Variants in C10orf90 observed in about 807,000 individuals in gnomAD.
The protein encoded by C10orf90 is (E2-independent) E3 ubiquitin-conjugating enzyme FATS.
Under a neutral mutation model 62.5 loss-of-function variants are expected in C10orf90, and 56 were observed. That is an observed-to-expected ratio of 0.90 (90% confidence interval 0.72 to 1.12). C10orf90 has a LOEUF of 1.12. Ranked by LOEUF, C10orf90 falls within the 50% of genes most tolerant of loss-of-function variation. C10orf90 has a pLI of 0.00. For synonymous variants in C10orf90, 386 were observed against 340.4 expected (o/e 1.13, Z -1.47); for missense variants, 970 against 880.4 (o/e 1.10, Z -1.29).
At chr10:126,431,172 G>GGGTGTGAAGTAC (rs1224908218) in intron 7 of C10orf90, among the ~76,000 whole-genome samples, 1 of 152,204 alleles carries the variant, frequency 6.6e-6, no homozygotes, top group Non-Finnish European at 1.5e-5. Flanking sequence ...AATTAAATAA[G>GGGTGTGAAGTAC]GGTGTGAAGT....
intron 4 of C10orf90, among the ~76,000 whole-genome samples, chr10:126,503,357 C>A (rs573272757): frequency 6.6e-6 from 1 of 152,172 alleles, no homozygotes; most frequent in Non-Finnish European, 1.5e-5. Context: ...CAGAAAATTG[C>A]TGCTGCTGCT....
chr10:126,484,881 G>A (rs906050824), intron 4 of C10orf90, among the ~76,000 whole-genome samples: 8 of 152,092 alleles, frequency 5.3e-5, no homozygotes, highest in African/African-American at 7.2e-5. Flanking sequence ...TAGTTATTTC[G>A]TATGTTTGAA....
intron 8 of C10orf90, 133 bp downstream of exon 8, chr10:126,429,650 TCAGA>T: frequency 3.0e-6 from 2 of 667,758 alleles, no homozygotes; most frequent in South Asian, 2.0e-5. Context: ...AGCCGTTTTT[TCAGA>T]TTTGCAGCCA....
Position 126,474,187 on chromosome 10 carries a change from C to A in C10orf90, c.1535-9201G>T, listed in dbSNP as rs571330280. Among the ~76,000 whole-genome samples the A allele has an allele frequency of 2.0e-5, 3 of 152,280 alleles. No individual in the cohort carries two copies. In the South Asian group the frequency reaches 6.2e-4, roughly 32 times the overall value. On this transcript the variant is annotated intron_variant, in intron 4 of 9. Transcript: ENST00000488181. ...AGCAGGACCTGTTACATGGCCTGTG[C>A]AAGCCCGGGGGTCTCTGCCCATCAT...
At chr10:126,508,943 ACT>A (rs1248527289) in intron 3 of C10orf90, among the ~76,000 whole-genome samples, 1 of 152,006 alleles carries the variant, frequency 6.6e-6, no homozygotes, top group East Asian at 1.9e-4. Context: ...GAAATACCTG[ACT>A]CTGACTACAC....
intron 4 of C10orf90, chr10:126,496,666 G>A (rs796776213): frequency 1.4e-5 from 14 of 985,384 alleles, no homozygotes; most frequent in Middle Eastern, 5.2e-4. Context: ...ACCTCTTGGC[G>A]GTGAGTCTTT....
chr10:126,557,121 C>A (rs1287402685), intron 2 of C10orf90, among the ~76,000 whole-genome samples: 1 of 151,296 alleles, frequency 6.6e-6, no homozygotes, highest in Non-Finnish European at 1.5e-5. Context: ...TTTTTAAAGT[C>A]ATGGAATAGT....
rs1857236691 is a variant in C10orf90, at chr10:126,425,977, G to A, written c.2352+14C>T. ...CACCACACACATCACACCTGCTGGT[G>A]ACGAGGCCATTACCTTTTTGAAGAC... On this transcript the variant is annotated intron_variant, in intron 9 of 9. Coordinates refer to ENST00000488181, the MANE Select transcript of C10orf90 (RefSeq NM_001350921.2). The A allele has an allele frequency of 6.2e-7, 1 of 1,613,870 alleles. No homozygotes were observed. Among genetic ancestry groups the A allele is most frequent in the Non-Finnish European group, 8.5e-7 (1 of 1,179,726 alleles).
chr10:126,619,141 T>C (rs73370808), intron 2 of C10orf90, among the ~76,000 whole-genome samples: 7,388 of 152,318 alleles, frequency 0.049, 526 homozygotes, highest in African/African-American at 0.16. Flanking sequence ...ACTATCTTGC[T>C]GTGTGTGGCA....
intron 4 of C10orf90, among the ~76,000 whole-genome samples, chr10:126,484,485 T>C (rs1861326859): frequency 1.3e-5 from 2 of 152,320 alleles, no homozygotes; most frequent in Non-Finnish European, 2.9e-5. Context: ...GAAAAAGTCC[T>C]GCTTTATTTG....
At chr10:126,654,682 A>C (rs1423825904) in intron 1 of C10orf90, among the ~76,000 whole-genome samples, 1 of 152,234 alleles carries the variant, frequency 6.6e-6, no homozygotes, top group Non-Finnish European at 1.5e-5. Flanking sequence ...TCTTTGGTAC[A>C]ACAGGCGCAG....
At chr10:126,521,303 T>C (rs949630786) in intron 2 of C10orf90, 11 of 1,613,978 alleles carry the variant, frequency 6.8e-6, no homozygotes, top group Non-Finnish European at 9.3e-6. Context: ...ACATACCTTC[T>C]CCAGACAGTT....
intron 2 of C10orf90, among the ~76,000 whole-genome samples, chr10:126,578,977 A>G (rs1315750565): frequency 6.6e-6 from 1 of 152,176 alleles, no homozygotes; most frequent in African/African-American, 2.4e-5. Flanking sequence ...CCAATTACAT[A>G]GGTGAAGTCA....
At chr10:126,502,115 ACACC>A (rs1862439494) in intron 4 of C10orf90, among the ~76,000 whole-genome samples, 1 of 147,932 alleles carries the variant, frequency 6.8e-6, no homozygotes, top group Non-Finnish European at 1.5e-5. Context: ...ACACACACAC[ACACC>A]ACACACACAC....
At chr10:126,516,377 G>C (rs969341662) in intron 2 of C10orf90, among the ~76,000 whole-genome samples, 1 of 152,166 alleles carries the variant, frequency 6.6e-6, no homozygotes, top group African/African-American at 2.4e-5. Context: ...TATCACTGTG[G>C]CATCAGTGGT....
intron 2 of C10orf90, among the ~76,000 whole-genome samples, chr10:126,593,836 C>G (rs1190670668): frequency 6.6e-6 from 1 of 152,040 alleles, no homozygotes; most frequent in African/African-American, 2.4e-5. Context: ...GAGTCAGGGG[C>G]TGAGGGTGTA....
At chr10:126,668,610 G>A (rs905091560) in intron 1 of C10orf90, among the ~76,000 whole-genome samples, 1 of 152,202 alleles carries the variant, frequency 6.6e-6, no homozygotes, top group East Asian at 1.9e-4. Context: ...AAGTTCAGAG[G>A]GACAGGGGGT....
intron 2 of C10orf90, among the ~76,000 whole-genome samples, chr10:126,579,958 G>T (rs1052457219): frequency 6.6e-6 from 1 of 152,096 alleles, no homozygotes; most frequent in Non-Finnish European, 1.5e-5. Context: ...CACAAACCAG[G>T]CTGCCTGGTT....
intron 1 of C10orf90, among the ~76,000 whole-genome samples, chr10:126,663,991 G>A (rs996970409): frequency 3.3e-4 from 50 of 152,122 alleles, no homozygotes; most frequent in African/African-American, 1.2e-3. Context: ...TTCTACCTTA[G>A]CCCTAGCTTT....
Sources: gnomAD v4.1 joint callset for allele counts (sites outside exome capture counted in the v4.1 genomes callset) on GRCh38, gnomAD v4.1.1 for gene constraint, MANE v1.5 for transcripts, NCBI Gene and HGNC (gene_info 2026-07-23, HGNC 2026-07-21) for gene names.